The following TAS2R1 variants were observed in gnomAD, a reference collection of about 807,000 sequenced individuals.
The protein encoded by TAS2R1 is taste receptor type 2 member 1.
For missense variants in TAS2R1, 370 were observed against 353.4 expected, an observed-to-expected ratio of 1.05 and a Z score of -0.38; for synonymous variants, 141 against 134.2, an observed-to-expected ratio of 1.05 and a Z score of -0.35.
At chr5:9,693,198 C>G (rs1459100096) in intron 1 of TAS2R1, among the ~76,000 whole-genome samples, 1 of 152,042 alleles carries the variant, frequency 6.6e-6, no homozygotes, top group East Asian at 1.9e-4. Flanking sequence ...ATAGATTGTA[C>G]AATGCTTATT....
At chr5:9,768,645 C>T in the TAS2R1 span, among the ~76,000 whole-genome samples, 3 of 152,188 alleles carry the variant, frequency 2.0e-5, no homozygotes, top group East Asian at 3.8e-4. Flanking sequence ...CTTTCTTTGG[C>T]CAGTGCCCTC....
At position 9,703,992 on chromosome 5, in the gene TAS2R1, G is replaced by T. The variant is rs186514277; in HGVS notation, c.-242+8180C>A. Among the ~76,000 whole-genome samples, 532 of 152,294 alleles carry T rather than the reference G, an allele frequency of 3.5e-3. 5 individuals carry two copies. The highest frequency in any genetic ancestry group is 0.01 in the Middle Eastern group (3 of 294). On this transcript the variant is annotated intron_variant, in intron 1 of 2. Transcript: ENST00000506620. ...CCAAAGTGGTCAAAGTCATAAAGCT[G>T]ATTTGTAGTAAAATCACACAAAATA...
chr5:9,641,354 G>T (rs1324126729), intron 2 of TAS2R1: 2 of 152,140 alleles, frequency 1.3e-5, no homozygotes, highest in Non-Finnish European at 2.9e-5. Flanking sequence ...CTTTTGATAT[G>T]GGAATCCCAT....
the TAS2R1 span, among the ~76,000 whole-genome samples, chr5:9,777,705 A>T: frequency 6.6e-6 from 1 of 152,240 alleles, no homozygotes; most frequent in Non-Finnish European, 1.5e-5. Context: ...CACAGTAATC[A>T]CTATCTATAG....
At chr5:9,844,471 A>C in the TAS2R1 span, among the ~76,000 whole-genome samples, 1 of 152,200 alleles carries the variant, frequency 6.6e-6, no homozygotes, top group Non-Finnish European at 1.5e-5. Flanking sequence ...TCATTCTTTA[A>C]GTTTCAATTT....
chr5:9,719,581 T>G, the TAS2R1 span, among the ~76,000 whole-genome samples: 1 of 152,212 alleles, frequency 6.6e-6, no homozygotes, highest in East Asian at 1.9e-4. Context: ...TTATTCATCT[T>G]GCTTGAGTCA....
chr5:9,702,432 A>G (rs1561383476), intron 1 of TAS2R1, among the ~76,000 whole-genome samples: 1 of 152,176 alleles, frequency 6.6e-6, no homozygotes, highest in East Asian at 1.9e-4. Context: ...TAAAATGCAC[A>G]GGACAGCCCC....
intron 2 of TAS2R1, among the ~76,000 whole-genome samples, chr5:9,643,549 A>G (rs1740127538): frequency 1.3e-5 from 2 of 152,272 alleles, no homozygotes; most frequent in South Asian, 2.1e-4. Context: ...CCTACTATAC[A>G]CTTTATAAAC....
the TAS2R1 span, among the ~76,000 whole-genome samples, chr5:9,781,574 G>T: frequency 9.2e-5 from 14 of 152,194 alleles, no homozygotes; most frequent in African/African-American, 1.7e-4. Flanking sequence ...GGCCTCCAGA[G>T]ATCTGTCCCC....
At chr5:9,802,997 C>G in the TAS2R1 span, among the ~76,000 whole-genome samples, 1 of 152,228 alleles carries the variant, frequency 6.6e-6, no homozygotes, top group Middle Eastern at 3.4e-3. Flanking sequence ...AAATCAAAAA[C>G]CTGATACAGG....
the TAS2R1 span, among the ~76,000 whole-genome samples, chr5:9,851,741 C>T: frequency 2.0e-5 from 3 of 152,150 alleles, no homozygotes; most frequent in Admixed American, 1.3e-4. Flanking sequence ...CTGCCCAGTA[C>T]TGGAAGGTGC....
chr5:9,857,641 A>G, the TAS2R1 span, among the ~76,000 whole-genome samples: 2 of 152,176 alleles, frequency 1.3e-5, no homozygotes, highest in Non-Finnish European at 1.5e-5. Flanking sequence ...GGAAGTTTGT[A>G]TATCTCCATG....
chr5:9,661,752 G>C (rs376421099), intron 1 of TAS2R1, among the ~76,000 whole-genome samples: 7 of 152,154 alleles, frequency 4.6e-5, no homozygotes, highest in African/African-American at 1.7e-4. Flanking sequence ...GAACTAATTT[G>C]ATGTATACAT....
chr5:9,629,412 T>A lies in TAS2R1; in HGVS notation c.621A>T (p.Gln207His), dbSNP rs999519897. Residue 207 changes from glutamine (Q) to histidine (H), a missense_variant, in exon 1 of 1, where the codon CAA becomes CAT. Physicochemically the swap from Gln to His is conservative, Grantham distance 24 (BLOSUM62 0). Transcript: ENST00000382492. ...LIFSLGRHTR[Q>H]MRNTVAGSRV... ...TGCTGCCGGCCACTGTGTTTCTCATTTGCCGGGTGTGCCTCCCCAGAGAGA... is the reference window on the plus strand; with the variant it reads ...TGCTGCCGGCCACTGTGTTTCTCATATGCCGGGTGTGCCTCCCCAGAGAGA... 1.9e-6 allele frequency: 3 copies of A among 1,613,948 alleles called. No individual in the cohort carries two copies. Among genetic ancestry groups the A allele is most frequent in the Non-Finnish European group, 8.5e-7 (1 of 1,180,030 alleles).
chr5:9,889,005 T>G, the TAS2R1 span, among the ~76,000 whole-genome samples: 1 of 152,224 alleles, frequency 6.6e-6, no homozygotes, highest in South Asian at 2.1e-4. Context: ...AACTTGAGCA[T>G]TTAAGATTTG....
the TAS2R1 span, among the ~76,000 whole-genome samples, chr5:9,787,089 C>T: frequency 1.3e-5 from 2 of 152,222 alleles, no homozygotes; most frequent in Non-Finnish European, 2.9e-5. Context: ...CAGTGAACAC[C>T]AAAGAGACAG....
chr5:9,815,720 AATATAC>A, the TAS2R1 span, among the ~76,000 whole-genome samples: 30 of 152,180 alleles, frequency 2.0e-4, no homozygotes, highest in African/African-American at 6.8e-4. Context: ...AACAACTATA[AATATAC>A]ATACTCAACA....
At chr5:9,658,603 A>G (rs1740463531) in intron 2 of TAS2R1, 1 of 152,180 alleles carries the variant, frequency 6.6e-6, no homozygotes, top group East Asian at 1.9e-4. Context: ...AAAGCACCCC[A>G]GTTATGTTCT....
intron 1 of TAS2R1, among the ~76,000 whole-genome samples, chr5:9,676,140 C>T (rs571573642): frequency 6.6e-5 from 10 of 152,120 alleles, no homozygotes; most frequent in Admixed American, 2.0e-4. Context: ...TATTAATGTG[C>T]CATATCACAT....
Sources: gnomAD v4.1 joint callset for allele counts (sites outside exome capture counted in the v4.1 genomes callset) on GRCh38, gnomAD v4.1.1 for gene constraint, MANE v1.5 for transcripts, NCBI Gene and HGNC (gene_info 2026-07-23, HGNC 2026-07-21) for gene names.